Variants in HPSE2 observed in about 807,000 individuals in gnomAD.
HPSE2 encodes the protein heparanase 2 (inactive).
HPSE2 carries 38 observed loss-of-function variants against 60.5 expected under a neutral mutation model. The observed-to-expected ratio is 0.63, with a 90% CI of 0.48 to 0.82. The LOEUF (loss-of-function observed/expected upper bound fraction) is 0.82. Among genes scored for constraint, HPSE2 ranks in the 40% least tolerant of loss-of-function variants. HPSE2 has a pLI of 0.00. For missense variants in HPSE2, 713 were observed against 740.4 expected, an observed-to-expected ratio of 0.96 and a Z score of 0.43; for synonymous variants, 295 against 293.2, an observed-to-expected ratio of 1.01 and a Z score of -0.06.
chr10:99,193,550 C>A (rs1241591947), intron 2 of HPSE2, among the ~76,000 whole-genome samples: 12 of 150,400 alleles, frequency 8.0e-5, no homozygotes, highest in African/African-American at 2.7e-4. Context: ...CACACTTCAC[C>A]TATAAAGACA....
the HPSE2 span, among the ~76,000 whole-genome samples, chr10:99,251,285 G>C: frequency 6.6e-6 from 1 of 152,132 alleles, no homozygotes; most frequent in Non-Finnish European, 1.5e-5. Flanking sequence ...TCTCAAAATT[G>C]AATCAGCAAG....
intron 3 of HPSE2, among the ~76,000 whole-genome samples, chr10:99,082,526 G>T (rs1339473798): frequency 6.6e-6 from 1 of 152,116 alleles, no homozygotes; most frequent in Non-Finnish European, 1.5e-5. Context: ...AGCTGAGCAG[G>T]TACCCTACTT....
At chr10:99,090,716 A>C (rs1843482614) in intron 3 of HPSE2, among the ~76,000 whole-genome samples, 1 of 152,116 alleles carries the variant, frequency 6.6e-6, no homozygotes, top group South Asian at 2.1e-4. Flanking sequence ...ATCTACCATT[A>C]TTTAATGATA....
chr10:99,185,926 C>T (rs778638171), intron 2 of HPSE2, among the ~76,000 whole-genome samples: 5 of 150,468 alleles, frequency 3.3e-5, no homozygotes, highest in African/African-American at 9.8e-5. Context: ...GTGAAAAAAA[C>T]GGAATAGAGA....
chr10:99,247,816 T>C, the HPSE2 span, among the ~76,000 whole-genome samples: 4 of 152,210 alleles, frequency 2.6e-5, no homozygotes, highest in Non-Finnish European at 4.4e-5. Flanking sequence ...CCCTTTTCTG[T>C]TCTCATGACA....
intron 3 of HPSE2, among the ~76,000 whole-genome samples, chr10:98,848,824 C>T (rs1175712468): frequency 6.6e-6 from 1 of 152,186 alleles, no homozygotes; most frequent in Non-Finnish European, 1.5e-5. Context: ...CCTACACCTT[C>T]TCTTTTTCCT....
intron 3 of HPSE2, among the ~76,000 whole-genome samples, chr10:98,958,731 T>C (rs1243586875): frequency 6.6e-6 from 1 of 152,148 alleles, no homozygotes; most frequent in Non-Finnish European, 1.5e-5. Flanking sequence ...CTTCTTATGC[T>C]TATATGATAC....
intron 9 of HPSE2, among the ~76,000 whole-genome samples, chr10:98,595,700 T>C (rs1278319729): frequency 6.6e-6 from 1 of 152,230 alleles, no homozygotes; most frequent in Non-Finnish European, 1.5e-5. Flanking sequence ...GCTTTCTTTC[T>C]CTTGCCTAAC....
intron 3 of HPSE2, among the ~76,000 whole-genome samples, chr10:98,773,705 G>A (rs1159498828): frequency 2.0e-5 from 3 of 152,154 alleles, no homozygotes; most frequent in African/African-American, 7.2e-5. Flanking sequence ...CAGAGAGGAT[G>A]ACTAAAAAGA....
chr10:99,208,098 T>C (rs765785866), intron 2 of HPSE2, among the ~76,000 whole-genome samples: 1 of 151,178 alleles, frequency 6.6e-6, no homozygotes, highest in Non-Finnish European at 1.5e-5. Flanking sequence ...AATTCAAACA[T>C]GTAAATGTTT....
intron 10 of HPSE2, among the ~76,000 whole-genome samples, chr10:98,487,978 A>G (rs1421419015): frequency 6.6e-6 from 1 of 152,246 alleles, no homozygotes; most frequent in Non-Finnish European, 1.5e-5. Flanking sequence ...TCTAATAGGA[A>G]CAAAAACACC....
intron 9 of HPSE2, among the ~76,000 whole-genome samples, chr10:98,534,363 C>A (rs1041272377): frequency 5.1e-4 from 78 of 152,230 alleles, no homozygotes; most frequent in African/African-American, 1.7e-3. Flanking sequence ...TTCACCCCAA[C>A]TGAAATTTCC....
In HPSE2 at chr10:98,767,151, T is replaced by G. The variant is rs4554805; in HGVS notation, c.611-23095A>C. Among the ~76,000 whole-genome samples the G allele has an allele frequency of 5.5e-3, 844 of 152,308 alleles. 4 individuals carry two copies. Among genetic ancestry groups the G allele is most frequent in the African/African-American group, 0.019 (799 of 41,576 alleles). On this transcript the variant is annotated intron_variant, in intron 3 of 11. Transcript: ENST00000370552. Reference sequence around the variant, plus strand: ...TTCCAGCTAATGTCATATTTAATAGTGAAAAATTGAATGTTTTCTCTCTCC... The same window carrying G: ...TTCCAGCTAATGTCATATTTAATAGGGAAAAATTGAATGTTTTCTCTCTCC...
intron 3 of HPSE2, among the ~76,000 whole-genome samples, chr10:99,098,975 T>C (rs1843828852): frequency 1.3e-5 from 2 of 152,324 alleles, no homozygotes; most frequent in African/African-American, 2.4e-5. Context: ...CTCCTTTTTT[T>C]CAAAGCTTTG....
chr10:99,021,410 A>G (rs1957259713), intron 3 of HPSE2, among the ~76,000 whole-genome samples: 2 of 152,140 alleles, frequency 1.3e-5, no homozygotes, highest in South Asian at 4.1e-4. Flanking sequence ...TCATCTTATA[A>G]AAGACCAGAG....
At position 98,937,155 on chromosome 10, in the gene HPSE2, C is replaced by A. The variant is rs748884944; in HGVS notation, c.611-193099G>T. Among the ~76,000 whole-genome samples the A allele has an allele frequency of 1.8e-4, 26 of 143,748 alleles. 1 individual carries two copies. Among genetic ancestry groups the A allele is most frequent in the Non-Finnish European group, 2.8e-4 (19 of 67,172 alleles). The allele number at this position is 143,748 out of a possible 152,430, so 94.3% of individuals were successfully genotyped here. A position where few individuals can be genotyped will look rare whatever the true frequency, so the allele number is the denominator to read the frequency against. The stretch of plus-strand genomic sequence containing the variant: ...CTGGTCTACAGCTCCCAGCGTTAAG[C>A]GACACAGAACACGGGTGATTTCTGC... On this transcript the variant is annotated intron_variant, in intron 3 of 11. Coordinates refer to ENST00000370552, the MANE Select transcript of HPSE2 (RefSeq NM_021828.5).
At chr10:99,286,793 C>T in the HPSE2 span, among the ~76,000 whole-genome samples, 6 of 152,122 alleles carry the variant, frequency 3.9e-5, no homozygotes, top group Non-Finnish European at 8.8e-5. Context: ...TTGATACCAA[C>T]CAGTATTCCT....
intron 3 of HPSE2, among the ~76,000 whole-genome samples, chr10:99,083,566 G>T (rs998106558): frequency 2.0e-5 from 3 of 152,062 alleles, no homozygotes; most frequent in African/African-American, 7.2e-5. Context: ...TTTACAGTGG[G>T]CTTCTAAATA....
At chr10:98,643,260 G>A (rs1391103529) in intron 6 of HPSE2, among the ~76,000 whole-genome samples, 1 of 152,154 alleles carries the variant, frequency 6.6e-6, no homozygotes. Flanking sequence ...ATTCTTAAAT[G>A]GGGGATAATA....
Sources: allele counts gnomAD v4.1 joint callset (sites outside exome capture counted in the v4.1 genomes callset), GRCh38; gene constraint gnomAD v4.1.1; transcripts MANE v1.5; gene names NCBI Gene and HGNC (gene_info 2026-07-23, HGNC 2026-07-21).